Variants in RBMS2 observed in about 807,000 individuals in gnomAD.
RBMS2 encodes RNA binding motif single stranded interacting protein 2.
Under a neutral mutation model 58.4 loss-of-function variants are expected in RBMS2, and 38 were observed. The ratio of observed to expected loss-of-function variants is 0.65; its 90% CI spans 0.50 to 0.85. RBMS2 has a LOEUF of 0.85. Ranked by LOEUF, RBMS2 falls within the 40% of genes least tolerant of loss-of-function variation. RBMS2 has a pLI of 0.00. For missense variants in RBMS2, 367 were observed against 503.7 expected, an observed-to-expected ratio of 0.73 and a Z score of 2.60; for synonymous variants, 151 against 180.7, an observed-to-expected ratio of 0.84 and a Z score of 1.32.
intron 1 of RBMS2, among the ~76,000 whole-genome samples, chr12:56,528,681 C>T (rs776109165): frequency 1.6e-4 from 24 of 152,054 alleles, no homozygotes; most frequent in African/African-American, 2.4e-4. Context: ...AAAAGATAAT[C>T]GAAAGGACAA....
At chr12:56,551,312 AGGACTCATAATTGTACT>A (rs1282966747) in intron 1 of RBMS2, among the ~76,000 whole-genome samples, 2 of 152,150 alleles carry the variant, frequency 1.3e-5, no homozygotes, top group Admixed American at 6.6e-5. Flanking sequence ...TATTTAGAAG[AGGACTCATAATTGTACT>A]GTGCCCCTCA....
In RBMS2 at chr12:56,562,676, C is replaced by T. The variant is rs549823744; in HGVS notation, c.233+93C>T. 9.4e-5 allele frequency: 129 copies of T among 1,366,696 alleles called. 1 individual carries two copies. In the Admixed American group the frequency reaches 2.3e-3, roughly 24 times the overall value. The allele number at this position is 1,366,696 out of a possible 1,614,324, so 84.7% of individuals were successfully genotyped here. On this transcript the variant is annotated intron_variant, in intron 2 of 13. Transcript: ENST00000262031. The stretch of plus-strand genomic sequence containing the variant: ...TTATGTTGTCCAGGCTAGTCTTGAA[C>T]TCCTGGGCTCAAGTGATCCTCCTGT...
At chr12:56,565,386 C>T (rs1325733592) in intron 2 of RBMS2, among the ~76,000 whole-genome samples, 2 of 151,896 alleles carry the variant, frequency 1.3e-5, no homozygotes, top group African/African-American at 4.8e-5. Flanking sequence ...TTCCCTGAAC[C>T]TCTCTTAGAA....
chr12:56,554,105 G>A lies in RBMS2; in HGVS notation c.67-8312G>A, dbSNP rs371570095. 2.0e-4 allele frequency among the ~76,000 whole-genome samples: 31 copies of A among 152,220 alleles called. No individual in the cohort carries two copies. The East Asian group carries it at 3.9e-3, about 19-fold the overall frequency. On this transcript the variant is annotated intron_variant, in intron 1 of 13. Coordinates refer to ENST00000262031, the MANE Select transcript of RBMS2 (RefSeq NM_002898.4). ...CTCCCAAAATGCTGGGATTATAGGC[G>A]TGAGCCACCACACCCGGCCGAATTC...
At chr12:56,573,972 C>T (rs543498173) in intron 5 of RBMS2, among the ~76,000 whole-genome samples, 1 of 152,284 alleles carries the variant, frequency 6.6e-6, no homozygotes, top group East Asian at 1.9e-4. Flanking sequence ...TCCTGAGTAA[C>T]TGGGATTACA....
intron 1 of RBMS2, among the ~76,000 whole-genome samples, chr12:56,533,167 C>T (rs1003146624): frequency 2.6e-5 from 4 of 151,942 alleles, no homozygotes; most frequent in East Asian, 1.9e-4. Context: ...GTGGCATGAT[C>T]GTAGCTCAGT....
At chr12:56,581,571 G>A in intron 7 of RBMS2, 63 bp downstream of exon 7, 2 of 1,496,748 alleles carry the variant, frequency 1.3e-6, no homozygotes, top group South Asian at 1.1e-5. Flanking sequence ...AAATGATCAT[G>A]GCATGATTTC....
chr12:56,571,336 G>A (rs1882258686), intron 4 of RBMS2, among the ~76,000 whole-genome samples: 1 of 152,182 alleles, frequency 6.6e-6, no homozygotes, highest in African/African-American at 2.4e-5. Context: ...AAGTGGGGAG[G>A]GGCTGCTCAA....
intron 6 of RBMS2, 47 bp downstream of exon 6, chr12:56,581,310 C>G (rs1346197186): frequency 6.3e-7 from 1 of 1,585,070 alleles, no homozygotes; most frequent in Admixed American, 1.7e-5. Context: ...GTTGTTACTT[C>G]CAGTGAAGAT....
chr12:56,595,087 G>GTAAT lies in RBMS2; in HGVS notation c.*5955_*5958dup, dbSNP rs1565795500. ...GTAGGCTGTGCAGTGACGGCTTAGG[G>GTAAT]TAATAAGTAATGGTTGGAGGACACC... On this transcript the variant is annotated 3_prime_UTR_variant, in exon 14 of 14. Coordinates refer to ENST00000262031, the MANE Select transcript of RBMS2 (RefSeq NM_002898.4). 6.6e-6 allele frequency: 1 copy of GTAAT among 152,252 alleles called. No homozygotes were observed. Among genetic ancestry groups the GTAAT allele is most frequent in the African/African-American group, 2.4e-5 (1 of 41,424 alleles). 9.4% of individuals were successfully genotyped at this position (152,252 alleles called of 1,614,324 possible). A position where few individuals can be genotyped will look rare whatever the true frequency, so the allele number is the denominator to read the frequency against.
chr12:56,554,560 G>A (rs1233401723), intron 1 of RBMS2, among the ~76,000 whole-genome samples: 1 of 151,974 alleles, frequency 6.6e-6, no homozygotes, highest in Non-Finnish European at 1.5e-5. Context: ...CATAGAGAGG[G>A]GAACAACACA....
chr12:56,553,590 A>T (rs555317054), intron 1 of RBMS2, among the ~76,000 whole-genome samples: 1 of 151,888 alleles, frequency 6.6e-6, no homozygotes, highest in South Asian at 2.1e-4. Flanking sequence ...GGCCTCCTAA[A>T]GTGCTAGGAT....
At chr12:56,533,953 A>G (rs776557132) in intron 1 of RBMS2, among the ~76,000 whole-genome samples, 2 of 151,978 alleles carry the variant, frequency 1.3e-5, no homozygotes, top group Non-Finnish European at 2.9e-5. Flanking sequence ...CAACTTCATT[A>G]TTATTATTCC....
chr12:56,594,653 T>A lies in RBMS2; in HGVS notation c.*5520T>A, dbSNP rs1885574568. 1.3e-5 allele frequency: 2 copies of A among 152,208 alleles called. No individual in the cohort carries two copies. Among genetic ancestry groups the A allele is most frequent in the Non-Finnish European group, 2.9e-5 (2 of 68,048 alleles). 9.4% of individuals were successfully genotyped at this position (152,208 alleles called of 1,614,324 possible). A position where few individuals can be genotyped will look rare whatever the true frequency, so the allele number is the denominator to read the frequency against. ...GGAGTTGGCAGCTAAAACCAGACTG[T>A]GAGCTTCTGTCTCCGTTCTGATTTT... On this transcript the variant is annotated 3_prime_UTR_variant, in exon 14 of 14. Coordinates refer to ENST00000262031, the MANE Select transcript of RBMS2 (RefSeq NM_002898.4).
intron 1 of RBMS2, among the ~76,000 whole-genome samples, chr12:56,537,226 A>G (rs923824949): frequency 1.3e-5 from 2 of 152,264 alleles, no homozygotes; most frequent in South Asian, 4.1e-4. Context: ...TGCCTGGCTC[A>G]TCTTGAACAT....
At chr12:56,579,304 TCTCTAAAAGG>T (rs1246464625) in intron 5 of RBMS2, among the ~76,000 whole-genome samples, 1 of 152,148 alleles carries the variant, frequency 6.6e-6, no homozygotes, top group Non-Finnish European at 1.5e-5. Context: ...TGTGTGGTTT[TCTCTAAAAGG>T]CTCAATTTAA....
intron 12 of RBMS2, 25 bp from the exon 13 acceptor site, chr12:56,588,907 A>G (rs1361424510): frequency 6.2e-7 from 1 of 1,611,572 alleles, no homozygotes; most frequent in South Asian, 1.1e-5. Context: ...GCGCAAGATG[A>G]CCCCCCTCCT....
In RBMS2 at chr12:56,581,524, A is replaced by G. The variant is rs1883949882; in HGVS notation, c.732+16A>G. On this transcript the variant is annotated intron_variant, in intron 7 of 13. Coordinates refer to ENST00000262031, the MANE Select transcript of RBMS2 (RefSeq NM_002898.4). ...TGCAGACATGGTAAGAGGACCTCTG[A>G]GGAGACAGGAGTACTAACGACATTA... 1.3e-6 allele frequency: 2 copies of G among 1,596,630 alleles called. No individual in the cohort carries two copies. The highest frequency in any genetic ancestry group is 2.7e-5 in the African/African-American group (2 of 74,556).
At chr12:56,569,167 T>C in intron 3 of RBMS2, 134 bp downstream of exon 3, 1 of 801,156 alleles carries the variant, frequency 1.2e-6, no homozygotes, top group Non-Finnish European at 2.0e-6. Context: ...GCTTAAAAGA[T>C]TAGGAGATAT....
Sources: allele counts gnomAD v4.1 joint callset (sites outside exome capture counted in the v4.1 genomes callset), GRCh38; gene constraint gnomAD v4.1.1; transcripts MANE v1.5; gene names NCBI Gene and HGNC (gene_info 2026-07-23, HGNC 2026-07-21).